Variants in INSYN2B observed in about 807,000 individuals in gnomAD.
INSYN2B encodes the protein protein INSYN2B.
In INSYN2B, 16 loss-of-function variants were observed where a neutral mutation model predicts 41.2. The observed-to-expected ratio is 0.39, with a 90% CI of 0.26 to 0.59. INSYN2B has a LOEUF of 0.59. Ranked by LOEUF, INSYN2B falls within the 20% of genes least tolerant of loss-of-function variation. INSYN2B has a pLI of 0.57. For synonymous variants in INSYN2B, 245 were observed against 244.4 expected (o/e 1.00, Z -0.02); for missense variants, 608 against 646.4 (o/e 0.94, Z 0.64).
chr5:169,910,519 A>G (rs951244627), intron 1 of INSYN2B, among the ~76,000 whole-genome samples: 1 of 152,132 alleles, frequency 6.6e-6, no homozygotes, highest in Admixed American at 6.6e-5. Flanking sequence ...GATTCATAAA[A>G]CATGACTGAC....
chr5:169,898,190 A>G (rs1189797648), intron 1 of INSYN2B, among the ~76,000 whole-genome samples: 1 of 152,068 alleles, frequency 6.6e-6, no homozygotes, highest in African/African-American at 2.4e-5. Flanking sequence ...ATGAACAAGT[A>G]TGTGTCCCTG....
At chr5:169,928,824 C>T (rs193169453) in intron 1 of INSYN2B, among the ~76,000 whole-genome samples, 9 of 152,308 alleles carry the variant, frequency 5.9e-5, no homozygotes, top group African/African-American at 2.2e-4. Context: ...AAATACTACA[C>T]AAGTAATTAC....
chr5:169,938,475 G>T (rs1194801447), intron 1 of INSYN2B, among the ~76,000 whole-genome samples: 2 of 152,152 alleles, frequency 1.3e-5, no homozygotes, highest in Non-Finnish European at 2.9e-5. Flanking sequence ...CCCGAATACT[G>T]TAGGCAATTA....
chr5:169,942,371 G>A (rs1776276593), intron 1 of INSYN2B, among the ~76,000 whole-genome samples: 2 of 152,190 alleles, frequency 1.3e-5, no homozygotes, highest in Admixed American at 1.3e-4. Flanking sequence ...GGAGAAATAT[G>A]TAAAGATGCC....
intron 3 of INSYN2B, among the ~76,000 whole-genome samples, chr5:169,879,075 A>G (rs985714638): frequency 2.0e-5 from 3 of 152,194 alleles, no homozygotes; most frequent in African/African-American, 4.8e-5. Context: ...AGCAAGCAGC[A>G]TAGCCATAGC....
At chr5:169,946,561 CCATTCATTCATT>C (rs144258254) in intron 1 of INSYN2B, among the ~76,000 whole-genome samples, 4 of 152,198 alleles carry the variant, frequency 2.6e-5, no homozygotes, top group African/African-American at 7.2e-5. Context: ...AGTCACTCAT[CCATTCATTCATT>C]CATTCATTCA....
At chr5:169,905,502 C>A (rs1774226157) in intron 1 of INSYN2B, among the ~76,000 whole-genome samples, 1 of 152,188 alleles carries the variant, frequency 6.6e-6, no homozygotes, top group African/African-American at 2.4e-5. Context: ...GGCTGCCAGG[C>A]AGAGTATGTT....
At chr5:169,873,108 G>T (rs1343046011) in intron 3 of INSYN2B, among the ~76,000 whole-genome samples, 1 of 152,204 alleles carries the variant, frequency 6.6e-6, no homozygotes, top group South Asian at 2.1e-4. Flanking sequence ...TTTATGGCAT[G>T]TGTCAGCCTC....
intron 1 of INSYN2B, among the ~76,000 whole-genome samples, chr5:169,973,942 C>G (rs532749758): frequency 1.3e-5 from 2 of 152,160 alleles, no homozygotes; most frequent in African/African-American, 2.4e-5. Flanking sequence ...TATATAGGCA[C>G]AAGAGATGTC....
chr5:169,943,167 C>A (rs1776309117), intron 1 of INSYN2B, among the ~76,000 whole-genome samples: 1 of 152,126 alleles, frequency 6.6e-6, no homozygotes, highest in South Asian at 2.1e-4. Flanking sequence ...TCCTAAAGTA[C>A]CCGTGTGAAG....
At chr5:169,955,755 G>A (rs547459849) in intron 1 of INSYN2B, among the ~76,000 whole-genome samples, 2 of 152,202 alleles carry the variant, frequency 1.3e-5, no homozygotes, top group South Asian at 4.2e-4. Flanking sequence ...CTGTGTAATG[G>A]GCACTAAGAA....
rs574954151 is a variant in INSYN2B, at chr5:169,893,412, C to T, written c.-918-8596G>A. 7.9e-5 allele frequency among the ~76,000 whole-genome samples: 12 copies of T among 151,614 alleles called. No individual in the cohort carries two copies. In the South Asian group the frequency reaches 1.7e-3, roughly 21 times the overall value. On this transcript the variant is annotated intron_variant, in intron 1 of 3. Coordinates refer to ENST00000377365, the MANE Select transcript of INSYN2B (RefSeq NM_001129891.3). ...ATTTCTCAGCATTTTGATTTCTCTC[C>T]AGAGATTTTTCTGATATTTTTCAAT...
Position 169,883,859 on chromosome 5 carries a change from T to C in INSYN2B, c.40A>G (p.Lys14Glu). 1.3e-6 allele frequency: 2 copies of C among 1,529,840 alleles called. No individual in the cohort carries two copies. The highest frequency in any genetic ancestry group is 1.8e-6 in the Non-Finnish European group (2 of 1,135,246). 94.8% of individuals were successfully genotyped at this position (1,529,840 alleles called of 1,614,324 possible). The change falls in exon 2 of 4, where the codon AAG becomes GAG. Residue 14 changes from lysine (K) to glutamate (E), a missense_variant. Coordinates refer to ENST00000377365, the MANE Select transcript of INSYN2B (RefSeq NM_001129891.3). Reference sequence around the variant, plus strand: ...TCCACTGATTCTAGACTGTTACGCTTTAGAAGCACAGGTCTCACTTTCATA... The same window carrying C: ...TCCACTGATTCTAGACTGTTACGCTCTAGAAGCACAGGTCTCACTTTCATA... Reference protein sequence around the residue: ...QNMKVRPVLLKRNSLESVEFV... With the variant: ...QNMKVRPVLLERNSLESVEFV...
At chr5:169,874,218 G>T (rs1772167382) in intron 3 of INSYN2B, among the ~76,000 whole-genome samples, 1 of 152,056 alleles carries the variant, frequency 6.6e-6, no homozygotes, top group African/African-American at 2.4e-5. Context: ...TTCAAGACCA[G>T]CCTGGCCAAC....
At chr5:169,875,109 T>C (rs1772239362) in intron 3 of INSYN2B, 1 of 429,124 alleles carries the variant, frequency 2.3e-6, no homozygotes, top group Non-Finnish European at 4.7e-6. Flanking sequence ...AAGCAAGTAT[T>C]TTTTATTCAT....
intron 1 of INSYN2B, among the ~76,000 whole-genome samples, chr5:169,902,938 A>C (rs953738264): frequency 6.6e-6 from 1 of 152,060 alleles, no homozygotes; most frequent in Non-Finnish European, 1.5e-5. Flanking sequence ...TCTCTACTAA[A>C]AATACAAAAA....
chr5:169,898,358 T>C (rs1299416656), intron 1 of INSYN2B, among the ~76,000 whole-genome samples: 1 of 152,168 alleles, frequency 6.6e-6, no homozygotes, highest in East Asian at 1.9e-4. Flanking sequence ...AGGTGTACTG[T>C]ATGGTTAGGA....
chr5:169,909,619 A>G (rs261004), intron 1 of INSYN2B, among the ~76,000 whole-genome samples: 64,167 of 151,986 alleles, frequency 0.42, 14,855 homozygotes, highest in African/African-American at 0.62. Flanking sequence ...ACCAACATAC[A>G]TATCTTCTAA....
chr5:169,962,812 T>C, intron 1 of INSYN2B, among the ~76,000 whole-genome samples: 1 of 151,952 alleles, frequency 6.6e-6, no homozygotes, highest in African/African-American at 2.4e-5. Context: ...AAGGTAGACG[T>C]CAAAATAAGG....
Sources: gnomAD v4.1 joint callset for allele counts (sites outside exome capture counted in the v4.1 genomes callset) on GRCh38, gnomAD v4.1.1 for gene constraint, MANE v1.5 for transcripts, NCBI Gene and HGNC (gene_info 2026-07-23, HGNC 2026-07-21) for gene names.